Variants in SGIP1 observed in about 807,000 individuals in gnomAD.
The protein encoded by SGIP1 is SH3GL interacting endocytic adaptor 1.
In SGIP1, 38 loss-of-function variants were observed where a neutral mutation model predicts 107.5. That is an observed-to-expected ratio of 0.35 (90% CI 0.27 to 0.46). SGIP1 has a LOEUF of 0.46. Ranked by LOEUF, SGIP1 falls within the 20% of genes least tolerant of loss-of-function variation. The pLI is 1.00. For synonymous variants in SGIP1, 365 were observed against 366.1 expected, an observed-to-expected ratio of 1.00 and a Z score of 0.03; for missense variants, 929 against 1,019.5, an observed-to-expected ratio of 0.91 and a Z score of 1.21.
intron 1 of SGIP1, among the ~76,000 whole-genome samples, chr1:66,625,181 G>T (rs111878309): frequency 0.013 from 1,936 of 152,258 alleles, 46 homozygotes; most frequent in African/African-American, 0.044. Flanking sequence ...GGATTAAGAA[G>T]CCCTGCAGAA....
intron 17 of SGIP1, chr1:66,694,633 C>T (rs1358356977): frequency 1.6e-6 from 1 of 615,120 alleles, no homozygotes; most frequent in Non-Finnish European, 2.6e-6. Flanking sequence ...CAGATGCACC[C>T]TGTATATTTA....
At chr1:66,705,449 G>C (rs929174772) in intron 18 of SGIP1, among the ~76,000 whole-genome samples, 1 of 152,158 alleles carries the variant, frequency 6.6e-6, no homozygotes, top group Non-Finnish European at 1.5e-5. Flanking sequence ...AGGATGTTTC[G>C]GAAAAGTTGC....
At chr1:66,680,599 G>A (rs1303268035) in intron 14 of SGIP1, among the ~76,000 whole-genome samples, 4 of 152,302 alleles carry the variant, frequency 2.6e-5, no homozygotes, top group Admixed American at 2.6e-4. Flanking sequence ...ACCCAATAGA[G>A]AGTCATCCAG....
At chr1:66,563,998 T>C (rs1038066432) in intron 1 of SGIP1, among the ~76,000 whole-genome samples, 22 of 151,956 alleles carry the variant, frequency 1.4e-4, no homozygotes, top group African/African-American at 5.3e-4. Context: ...CTGTAAGCAA[T>C]CATATAGTTC....
rs1263866212 is a variant in SGIP1 at position 66,745,001 on chromosome 1, G to A, written c.*1906G>A. ...GCAAACTGAGAATTATCCAGCATAT[G>A]AATATAACAATGTGTTTTTAAGTAA... On this transcript the variant is annotated 3_prime_UTR_variant, in exon 25 of 25. Coordinates refer to ENST00000371037, the MANE Select transcript of SGIP1 (RefSeq NM_032291.4). 6.6e-6 allele frequency: 1 copy of A among 152,360 alleles called. No homozygotes were observed. Among genetic ancestry groups the A allele is most frequent in the Non-Finnish European group, 1.5e-5 (1 of 67,882 alleles). 9.4% of individuals were successfully genotyped at this position (152,360 alleles called of 1,614,324 possible).
intron 1 of SGIP1, among the ~76,000 whole-genome samples, chr1:66,601,057 G>A (rs1207232506): frequency 6.6e-6 from 1 of 152,106 alleles, no homozygotes; most frequent in East Asian, 1.9e-4. Flanking sequence ...GTACACACAT[G>A]CTGGTCCTAC....
chr1:66,729,163 C>G, intron 19 of SGIP1, 101 bp from the exon 20 acceptor site: 2 of 1,314,730 alleles, frequency 1.5e-6, no homozygotes, highest in Admixed American at 2.1e-5. Flanking sequence ...ATCTCTTCTG[C>G]TATTTAACAT....
intron 7 of SGIP1, among the ~76,000 whole-genome samples, chr1:66,658,954 A>G (rs992906619): frequency 3.3e-5 from 5 of 152,164 alleles, no homozygotes; most frequent in African/African-American, 7.2e-5. Flanking sequence ...CAGCATGGGC[A>G]GGAGACAGGG....
At chr1:66,697,893 A>C (rs750459910) in intron 18 of SGIP1, among the ~76,000 whole-genome samples, 3 of 152,112 alleles carry the variant, frequency 2.0e-5, no homozygotes, top group Non-Finnish European at 4.4e-5. Context: ...CTTGTAGGGC[A>C]CTCTGGTTTT....
intron 13 of SGIP1, among the ~76,000 whole-genome samples, chr1:66,678,018 A>T (rs2085782689): frequency 6.6e-6 from 1 of 152,230 alleles, no homozygotes; most frequent in Non-Finnish European, 1.5e-5. Flanking sequence ...TATTGCTATA[A>T]AGCCGTGTGA....
Position 66,534,288 on chromosome 1 carries a change from T to C in SGIP1, c.-71T>C. The C allele has an allele frequency of 1.9e-6, 3 of 1,561,142 alleles. No individual in the cohort carries two copies. The highest frequency in any genetic ancestry group is 2.7e-6 in the Non-Finnish European group (3 of 1,131,878). ...AGCAGCGGCGTGGTGAGGACTTAGCTGGGACCTGGAATCGTATCCTCCTGT... is the reference window on the plus strand; with the variant it reads ...AGCAGCGGCGTGGTGAGGACTTAGCCGGGACCTGGAATCGTATCCTCCTGT... On this transcript the variant is annotated 5_prime_UTR_variant, in exon 1 of 25. Coordinates refer to ENST00000371037, the MANE Select transcript of SGIP1 (RefSeq NM_032291.4).
At chr1:66,573,051 G>A (rs551669176) in intron 1 of SGIP1, among the ~76,000 whole-genome samples, 41 of 152,174 alleles carry the variant, frequency 2.7e-4, no homozygotes, top group Admixed American at 2.0e-3. Flanking sequence ...CTGGAGGTGG[G>A]AGGGTTGGGG....
chr1:66,657,294 T>A (rs1342321600), intron 7 of SGIP1, among the ~76,000 whole-genome samples: 4 of 152,184 alleles, frequency 2.6e-5, no homozygotes, highest in African/African-American at 9.7e-5. Flanking sequence ...CTGACTTTTA[T>A]GTCTTGATCC....
At chr1:66,624,433 G>T (rs368039163) in intron 1 of SGIP1, among the ~76,000 whole-genome samples, 1 of 152,096 alleles carries the variant, frequency 6.6e-6, no homozygotes, top group Non-Finnish European at 1.5e-5. Flanking sequence ...GGAGAGTAAC[G>T]GAAAATAGTT....
Position 66,566,814 on chromosome 1 carries a change from T to TA in SGIP1, c.10+32448dup, listed in dbSNP as rs1339182713. Among the ~76,000 whole-genome samples the TA allele has an allele frequency of 2.6e-5, 4 of 152,060 alleles. No homozygotes were observed. The East Asian group carries it at 7.8e-4, about 30-fold the overall frequency. On this transcript the variant is annotated intron_variant, in intron 1 of 24. Coordinates refer to ENST00000371037, the MANE Select transcript of SGIP1 (RefSeq NM_032291.4). ...ACCCATCAACCCGTCATCTAGGTTTTAAGCCCCACATGCATTAGGTATTTG... is the reference window on the plus strand; with the variant it reads ...ACCCATCAACCCGTCATCTAGGTTTTAAAGCCCCACATGCATTAGGTATTTG...
intron 22 of SGIP1, among the ~76,000 whole-genome samples, chr1:66,740,274 A>G (rs1156595305): frequency 6.6e-6 from 1 of 152,234 alleles, no homozygotes; most frequent in East Asian, 1.9e-4. Context: ...TTTCCATACG[A>G]CTGTCAGAAG....
intron 19 of SGIP1, among the ~76,000 whole-genome samples, chr1:66,724,547 G>GTGCTTCTTACACAGGACTACGTGGAC (rs1402600007): frequency 1.3e-5 from 2 of 152,208 alleles, no homozygotes; most frequent in African/African-American, 4.8e-5. Flanking sequence ...TGAGGCCTCA[G>GTGCTTCTTACACAGGACTACGTGGAC]TGCTTCTTAC....
intron 1 of SGIP1, among the ~76,000 whole-genome samples, chr1:66,549,235 TTTC>T (rs2057026347): frequency 1.3e-5 from 2 of 152,058 alleles, no homozygotes; most frequent in Admixed American, 1.3e-4. Context: ...CTCTTTCTTT[TTTC>T]TTCTTTTTTC....
At chr1:66,683,888 AG>A (rs1190142688) in intron 15 of SGIP1, among the ~76,000 whole-genome samples, 24 of 151,418 alleles carry the variant, frequency 1.6e-4, no homozygotes, top group African/African-American at 5.1e-4. Flanking sequence ...CAGTAGAGAC[AG>A]GGTTTTCAGT....
Sources: allele counts gnomAD v4.1 joint callset (sites outside exome capture counted in the v4.1 genomes callset), GRCh38; gene constraint gnomAD v4.1.1; transcripts MANE v1.5; gene names NCBI Gene and HGNC (gene_info 2026-07-23, HGNC 2026-07-21).